DNAH14: variants seen among roughly 807,000 people sequenced by gnomAD.
DNAH14 encodes the protein dynein axonemal heavy chain 14.
A neutral mutation model predicts 520.9 loss-of-function variants in DNAH14; 478 were observed. The observed-to-expected ratio is 0.92, with a 90% CI of 0.85 to 0.99. The LOEUF is 0.99. Ranked by LOEUF, DNAH14 falls within the 50% of genes least tolerant of loss-of-function variation. The pLI is 0.00. For synonymous variants in DNAH14, 1,581 were observed against 1,757.2 expected (o/e 0.90, Z 2.51); for missense variants, 4,831 against 5,234.5 (o/e 0.92, Z 2.38).
chr1:224,981,074 G>C (rs918551093), intron 8 of DNAH14, among the ~76,000 whole-genome samples: 1 of 137,186 alleles, frequency 7.3e-6, no homozygotes, highest in Non-Finnish European at 1.5e-5. Flanking sequence ...TTCTGTTTAT[G>C]TGGTGAATCA....
intron 49 of DNAH14, among the ~76,000 whole-genome samples, chr1:225,269,076 C>G (rs2093224598): frequency 6.6e-6 from 1 of 152,180 alleles, no homozygotes; most frequent in South Asian, 2.1e-4. Flanking sequence ...TGACTTCAAA[C>G]TATACTACAA....
chr1:225,196,713 G>A (rs2086188053), intron 38 of DNAH14, among the ~76,000 whole-genome samples: 1 of 152,132 alleles, frequency 6.6e-6, no homozygotes, highest in African/African-American at 2.4e-5. Flanking sequence ...ATTCTTGCAG[G>A]AATAAAGTGG....
rs542866821 is a variant in DNAH14 at position 225,335,770 on chromosome 1, T to A, written c.10081-1496T>A. Among the ~76,000 whole-genome samples the A allele has an allele frequency of 3.7e-3, 457 of 123,262 alleles. 93 individuals carry two copies. Among genetic ancestry groups the A allele is most frequent in the African/African-American group, 0.013 (419 of 32,308 alleles). 80.9% of individuals were successfully genotyped at this position (123,262 alleles called of 152,430 possible). On this transcript the variant is annotated intron_variant, in intron 66 of 85. Transcript: ENST00000682510. The stretch of plus-strand genomic sequence containing the variant: ...ATACGCATATATACATACATGTGCA[T>A]ATGTGCATATATTCATAAGTACATC...
At chr1:225,096,663 A>G (rs934612907) in intron 21 of DNAH14, among the ~76,000 whole-genome samples, 1 of 152,204 alleles carries the variant, frequency 6.6e-6, no homozygotes, top group Admixed American at 6.5e-5. Context: ...CAAGTTATAA[A>G]ACAATGTATA....
chr1:225,181,598 T>C (rs1309319237), intron 36 of DNAH14, among the ~76,000 whole-genome samples: 4 of 152,354 alleles, frequency 2.6e-5, no homozygotes, highest in Admixed American at 6.5e-5. Flanking sequence ...TTTTTTCATA[T>C]GTTTATTGGC....
chr1:225,216,561 T>G (rs2089361252), intron 41 of DNAH14, among the ~76,000 whole-genome samples: 1 of 152,222 alleles, frequency 6.6e-6, no homozygotes, highest in Non-Finnish European at 1.5e-5. Context: ...TCTTTTCACA[T>G]AATCCCATAT....
At chr1:225,112,504 A>G (rs1348907454) in intron 23 of DNAH14, among the ~76,000 whole-genome samples, 2 of 152,138 alleles carry the variant, frequency 1.3e-5, no homozygotes, top group African/African-American at 2.4e-5. Context: ...CAATACTGAT[A>G]TCTTTCTCTA....
At chr1:225,344,617 T>G (rs2095256879) in intron 69 of DNAH14, among the ~76,000 whole-genome samples, 1 of 152,214 alleles carries the variant, frequency 6.6e-6, no homozygotes, top group African/African-American at 2.4e-5. Flanking sequence ...ATTTTCTTCA[T>G]CCAGTCTATC....
intron 28 of DNAH14, 108 bp from the exon 29 acceptor site, chr1:225,144,287 TTG>T (rs924977243): frequency 3.0e-5 from 25 of 828,904 alleles, no homozygotes; most frequent in Non-Finnish European, 4.6e-5. Context: ...TAACTTCTAT[TTG>T]TTTTTTTAAT....
intron 12 of DNAH14, among the ~76,000 whole-genome samples, chr1:225,041,950 G>T (rs2067517371): frequency 6.6e-6 from 1 of 151,984 alleles, no homozygotes; most frequent in Non-Finnish European, 1.5e-5. Flanking sequence ...GTGGTATTAG[G>T]TACATTCAGT....
intron 8 of DNAH14, among the ~76,000 whole-genome samples, chr1:224,997,329 G>A (rs1168054184): frequency 6.6e-6 from 1 of 151,616 alleles, no homozygotes; most frequent in Admixed American, 6.6e-5. Flanking sequence ...AGAAACTGTG[G>A]GCCCTGGGAA....
chr1:225,039,877 CAAAAAAAAAAAAA>C (rs1194328076), intron 12 of DNAH14, among the ~76,000 whole-genome samples: 4 of 48,984 alleles, frequency 8.2e-5, no homozygotes, highest in Admixed American at 3.6e-4. Flanking sequence ...GACTCCGTCT[CAAAAAAAAAAAAA>C]AAAAAAAAAA....
intron 11 of DNAH14, among the ~76,000 whole-genome samples, chr1:225,035,052 G>T (rs1363307940): frequency 2.6e-5 from 4 of 151,474 alleles, no homozygotes; most frequent in Non-Finnish European, 4.4e-5. Flanking sequence ...TCTTTAAAAT[G>T]TTTTTTTTGT....
chr1:225,208,055 C>G (rs1421169751), intron 41 of DNAH14, among the ~76,000 whole-genome samples: 1 of 152,048 alleles, frequency 6.6e-6, no homozygotes, highest in African/African-American at 2.4e-5. Context: ...ATATTTTCTC[C>G]TACTGCCACC....
At chr1:225,371,729 G>C (rs2095620990) in intron 77 of DNAH14, among the ~76,000 whole-genome samples, 1 of 152,066 alleles carries the variant, frequency 6.6e-6, no homozygotes. Context: ...GGATAAAAAT[G>C]TAAAGATGTA....
intron 4 of DNAH14, 64 bp from the exon 5 acceptor site, chr1:224,964,415 G>A: frequency 1.3e-6 from 2 of 1,492,386 alleles, no homozygotes; most frequent in Non-Finnish European, 1.8e-6. Context: ...GTAATATTAT[G>A]CATTATCCTT....
intron 21 of DNAH14, among the ~76,000 whole-genome samples, chr1:225,094,935 C>T (rs533592867): frequency 6.4e-4 from 97 of 151,712 alleles, no homozygotes; most frequent in South Asian, 4.8e-3. Flanking sequence ...CATCACTAAT[C>T]ATGAGAGAAA....
chr1:224,929,916 T>G, intron 1 of DNAH14, 81 bp downstream of exon 1: 1 of 572,944 alleles, frequency 1.7e-6, no homozygotes, highest in Non-Finnish European at 3.1e-6. Flanking sequence ...GGTGTCGCAC[T>G]GGGAGGGCTG....
chr1:225,376,010 C>A (rs2095694892), intron 78 of DNAH14, among the ~76,000 whole-genome samples: 1 of 151,844 alleles, frequency 6.6e-6, no homozygotes, highest in South Asian at 2.1e-4. Context: ...ATCACCCGAA[C>A]CCAGGAGGTG....
Sources: allele counts gnomAD v4.1 joint callset (sites outside exome capture counted in the v4.1 genomes callset), GRCh38; gene constraint gnomAD v4.1.1; transcripts MANE v1.5; gene names NCBI Gene and HGNC (gene_info 2026-07-23, HGNC 2026-07-21).